Variants in TOPAZ1 observed in about 807,000 individuals in gnomAD.
The protein encoded by TOPAZ1 is testis and ovary specific TOPAZ 1, also known as protein TOPAZ1.
A neutral mutation model predicts 172.2 loss-of-function variants in TOPAZ1; 66 were observed. The ratio of observed to expected loss-of-function variants is 0.38; its 90% CI spans 0.31 to 0.47. TOPAZ1 has a LOEUF of 0.47. Ranked by LOEUF, TOPAZ1 falls within the 20% of genes least tolerant of loss-of-function variation. The probability of loss-of-function intolerance (pLI) is 0.99; values close to 1 mark genes in which losing one functional copy is unlikely to be tolerated. For missense variants in TOPAZ1, 1,822 were observed against 1,972.4 expected, an observed-to-expected ratio of 0.92 and a Z score of 1.44; for synonymous variants, 681 against 683.9, an observed-to-expected ratio of 1.00 and a Z score of 0.07.
rs17076545 is a variant in TOPAZ1, at chr3:44,244,892, A to G, written c.2386A>G (p.Lys796Glu). 2.5e-3 allele frequency: 3,859 copies of G among 1,551,762 alleles called. 37 individuals are homozygous for G. The Middle Eastern group carries it at 0.03, about 12-fold the overall frequency. Residue 796 changes from lysine (K) to glutamate (E), a missense_variant, in exon 2 of 20, where the codon AAA becomes GAA. Physicochemically the swap from Lys to Glu is moderately conservative, Grantham distance 56 (BLOSUM62 1). This residue lies in a region of TOPAZ1 where 1,489 missense variants were observed against 1,490.8 expected (regional missense o/e 1.00). Transcript: ENST00000309765. ...TGAACCAGGCAATATTGTTTCTAAT[A>G]AAGAAGTTGCTTCTCTCACAGTTGA... ...VSEPGNIVSNKEVASLTVENN... is the reference protein window; with the variant it reads ...VSEPGNIVSNEEVASLTVENN...
chr3:44,306,480 T>C, intron 15 of TOPAZ1, 54 bp downstream of exon 15: 4 of 1,033,516 alleles, frequency 3.9e-6, no homozygotes, highest in Non-Finnish European at 5.7e-6. Context: ...AGTTTTAAAA[T>C]TATGAACAGA....
intron 12 of TOPAZ1, among the ~76,000 whole-genome samples, chr3:44,291,713 A>G (rs1321496607): frequency 6.6e-6 from 1 of 152,098 alleles, no homozygotes; most frequent in Non-Finnish European, 1.5e-5. Flanking sequence ...AAAAAAATCA[A>G]AGTATAACAT....
chr3:44,281,832 A>G (rs973483131), intron 8 of TOPAZ1, 136 bp from the exon 9 acceptor site: 17 of 562,658 alleles, frequency 3.0e-5, no homozygotes, highest in Non-Finnish European at 3.5e-5. Flanking sequence ...GAGTTAACCA[A>G]ACATCAGCTT....
intron 4 of TOPAZ1, among the ~76,000 whole-genome samples, chr3:44,257,157 T>C (rs1339618329): frequency 4.0e-5 from 6 of 151,638 alleles, no homozygotes; most frequent in Non-Finnish European, 8.8e-5. Context: ...AGTGAGACCT[T>C]GTCTCTACAA....
chr3:44,295,019 C>T (rs934854047), intron 12 of TOPAZ1, among the ~76,000 whole-genome samples: 6 of 152,178 alleles, frequency 3.9e-5, no homozygotes, highest in Non-Finnish European at 7.4e-5. Flanking sequence ...AAGTCTGCAA[C>T]TTTATTAGTT....
chr3:44,325,293 G>A (rs1700586659), intron 18 of TOPAZ1, among the ~76,000 whole-genome samples: 1 of 152,172 alleles, frequency 6.6e-6, no homozygotes, highest in Non-Finnish European at 1.5e-5. Context: ...CTTGGTGCCA[G>A]TGCCTTTGTT....
intron 1 of TOPAZ1, among the ~76,000 whole-genome samples, chr3:44,242,601 C>T (rs1699498696): frequency 6.6e-6 from 1 of 152,140 alleles, no homozygotes. Context: ...GGAGGAATTC[C>T]TACTTGTGGT....
chr3:44,277,929 C>A (rs987120934), intron 8 of TOPAZ1, among the ~76,000 whole-genome samples: 5 of 152,176 alleles, frequency 3.3e-5, no homozygotes, highest in African/African-American at 1.2e-4. Context: ...TCCTGTAAAG[C>A]CTGCAGAACC....
At chr3:44,301,903 G>T (rs1158665709) in intron 12 of TOPAZ1, among the ~76,000 whole-genome samples, 2 of 151,984 alleles carry the variant, frequency 1.3e-5, no homozygotes. Flanking sequence ...TTGAGTCAAG[G>T]TTATGTTTTA....
At chr3:44,254,400 A>G (rs1292436355) in intron 2 of TOPAZ1, among the ~76,000 whole-genome samples, 2 of 152,072 alleles carry the variant, frequency 1.3e-5, no homozygotes, top group Non-Finnish European at 2.9e-5. Flanking sequence ...GTCCAAGGCC[A>G]ATGGATCACC....
rs1392494281 is a variant in TOPAZ1, at chr3:44,243,868, G to A, written c.1362G>A (p.Gly454=). The A allele has an allele frequency of 1.3e-6, 2 of 1,551,946 alleles. No homozygotes were observed. Among genetic ancestry groups the A allele is most frequent in the South Asian group, 2.4e-5 (2 of 83,976 alleles). ...TTAAATCGATGAAAAGCTTCATAGGGAAATCACCTAATGAGTACCATATTG... is the reference window on the plus strand; with the variant it reads ...TTAAATCGATGAAAAGCTTCATAGGAAAATCACCTAATGAGTACCATATTG... The part of the protein sequence containing the change: ...EDFKSMKSFI[G]KSPNEYHIER... Residue 454 remains glycine, a synonymous_variant, in exon 2 of 20, where the codon GGG becomes GGA. Coordinates refer to ENST00000309765, the MANE Select transcript of TOPAZ1 (RefSeq NM_001145030.2).
intron 11 of TOPAZ1, among the ~76,000 whole-genome samples, chr3:44,289,080 G>C (rs1700108427): frequency 6.6e-6 from 1 of 152,176 alleles, no homozygotes. Context: ...TACCTAGTCT[G>C]TTACAATTTA....
At chr3:44,325,922 C>G (rs572525848) in intron 18 of TOPAZ1, among the ~76,000 whole-genome samples, 1 of 152,182 alleles carries the variant, frequency 6.6e-6, no homozygotes, top group Admixed American at 6.6e-5. Flanking sequence ...CGATTACATG[C>G]GTGAGCCACT....
At position 44,242,258 on chromosome 3, in the gene TOPAZ1, G is replaced by A; in HGVS notation, c.205G>A (p.Val69Ile). Residue 69 changes from valine (V) to isoleucine (I), a missense_variant, in exon 1 of 20, where the codon GTT becomes ATT. This residue lies in a region of TOPAZ1 where 1,489 missense variants were observed against 1,490.8 expected (regional missense o/e 1.00). Coordinates refer to ENST00000309765, the MANE Select transcript of TOPAZ1 (RefSeq NM_001145030.2). The stretch of plus-strand genomic sequence containing the variant: ...AGGCGAGGTGGAAAGTGATAAGTCG[G>A]TTGCAGCATCAGGGGCTGGAAAGGC... ...GRGEVESDKS[V>I]AASGAGKAAR... 3 of 1,549,388 alleles carry A rather than the reference G, an allele frequency of 1.9e-6. No homozygotes were observed. Among genetic ancestry groups the A allele is most frequent in the East Asian group, 2.4e-5 (1 of 40,850 alleles).
At chr3:44,280,495 A>G (rs1700011131) in intron 8 of TOPAZ1, among the ~76,000 whole-genome samples, 1 of 151,754 alleles carries the variant, frequency 6.6e-6, no homozygotes, top group African/African-American at 2.4e-5. Flanking sequence ...GACTACAGGC[A>G]TGTCACCATG....
At chr3:44,296,758 C>T (rs957387221) in intron 12 of TOPAZ1, among the ~76,000 whole-genome samples, 6 of 147,366 alleles carry the variant, frequency 4.1e-5, no homozygotes, top group African/African-American at 1.3e-4. Flanking sequence ...TGGATTTACA[C>T]GATCTCTTGC....
intron 2 of TOPAZ1, among the ~76,000 whole-genome samples, chr3:44,254,377 C>T (rs539137012): frequency 1.6e-4 from 24 of 152,238 alleles, no homozygotes; most frequent in Admixed American, 1.4e-3. Context: ...CCTGTAATCC[C>T]GGCACTTTGG....
chr3:44,317,996 G>A (rs1461826974), intron 16 of TOPAZ1, among the ~76,000 whole-genome samples: 1 of 152,126 alleles, frequency 6.6e-6, no homozygotes, highest in Non-Finnish European at 1.5e-5. Flanking sequence ...TAAAAACAGA[G>A]GTTTGATTGT....
In TOPAZ1 at chr3:44,243,191, T is replaced by C. The variant is rs752303582; in HGVS notation, c.685T>C (p.Cys229Arg). ...TAATTCCGTTTTAAAATTACGTGAT[T>C]GCAATTGTTTCCCCCATTCCAAGGG... ...ENNSVLKLRD[C>R]NCFPHSKGCN... Residue 229 changes from cysteine (C) to arginine (R), a missense_variant, in exon 2 of 20, where the codon TGC becomes CGC. Transcript: ENST00000309765. 2.5e-5 allele frequency: 38 copies of C among 1,548,734 alleles called. 1 individual carries two copies. The South Asian group carries it at 4.5e-4, about 18-fold the overall frequency.
Sources: gnomAD v4.1 joint callset for allele counts (sites outside exome capture counted in the v4.1 genomes callset) on GRCh38, gnomAD v4.1.1 for gene constraint, gnomAD v4.1.1 regional missense constraint, MANE v1.5 for transcripts, NCBI Gene and HGNC (gene_info 2026-07-23, HGNC 2026-07-21) for gene names.